The following POR variants were observed in gnomAD, a reference collection of about 807,000 sequenced individuals.
POR encodes the protein cytochrome p450 oxidoreductase.
In POR, 56 loss-of-function variants were observed where a neutral mutation model predicts 84.0. The observed-to-expected ratio is 0.67, with a 90% CI of 0.54 to 0.83. The LOEUF is 0.83. POR is among the 40% of genes least tolerant of loss of function. The probability of loss-of-function intolerance (pLI) is 0.00; values close to 1 mark genes in which losing one functional copy is unlikely to be tolerated. For missense variants in POR, 938 were observed against 944.3 expected (o/e 0.99, Z 0.09); for synonymous variants, 414 against 400.5 (o/e 1.03, Z -0.40).
chr7:75,977,658 A>G (rs1284234659), intron 3 of POR, among the ~76,000 whole-genome samples: 8 of 152,316 alleles, frequency 5.3e-5, no homozygotes, highest in Admixed American at 5.2e-4. Context: ...GGTGCCTGTA[A>G]TCCCAGCTAC....
At chr7:75,951,832 G>C (rs1432483103) in intron 1 of POR, among the ~76,000 whole-genome samples, 1 of 152,250 alleles carries the variant, frequency 6.6e-6, no homozygotes, top group Non-Finnish European at 1.5e-5. Context: ...GACCTTTGTT[G>C]ACTCATGTCA....
At chr7:75,916,642 G>A (rs1321485551) in intron 1 of POR, among the ~76,000 whole-genome samples, 1 of 152,144 alleles carries the variant, frequency 6.6e-6, no homozygotes, top group Non-Finnish European at 1.5e-5. Flanking sequence ...TCAGAGAATG[G>A]GATGCTAGCT....
At chr7:75,968,614 G>A (rs41296509) in intron 2 of POR, among the ~76,000 whole-genome samples, 35,526 of 152,172 alleles carry the variant, frequency 0.23, 4,955 homozygotes, top group East Asian at 0.33. Context: ...CACCCTCCCC[G>A]GCAGGATGGG....
chr7:75,942,313 CGT>C (rs1214038091), intron 1 of POR, among the ~76,000 whole-genome samples: 3 of 152,190 alleles, frequency 2.0e-5, no homozygotes, highest in African/African-American at 7.2e-5. Context: ...CAAATATCCC[CGT>C]GTCAGTGCTC....
chr7:75,972,549 G>A lies in POR; in HGVS notation c.237+88G>A, dbSNP rs17148944. ...AGTCTAGCAGACGGCTGGCGTCACC[G>A]CATAGAGGATGTCCCGGTGGCCAGG... On this transcript the variant is annotated intron_variant, in intron 3 of 15. Transcript: ENST00000461988. 0.092 allele frequency: 117,354 copies of A among 1,270,272 alleles called. 6,199 individuals are homozygous for A. Among genetic ancestry groups the A allele is most frequent in the South Asian group, 0.15 (11,964 of 78,270 alleles). 78.7% of individuals were successfully genotyped at this position (1,270,272 alleles called of 1,614,324 possible). A position where few individuals can be genotyped will look rare whatever the true frequency, so the allele number is the denominator to read the frequency against.
rs782405973 is a variant in POR, at chr7:75,985,564, C to T, written c.1399-15C>T. The T allele has an allele frequency of 2.5e-5, 38 of 1,517,176 alleles. No homozygotes were observed. The Admixed American group carries it at 2.8e-4, about 11-fold the overall frequency. 94.0% of individuals were successfully genotyped at this position (1,517,176 alleles called of 1,614,324 possible). A position where few individuals can be genotyped will look rare whatever the true frequency, so the allele number is the denominator to read the frequency against. ...CCTCGGTGTGGCGGTGGAGCTCACA[C>T]GGCCCTCCCCACAGGTCCACCCCAA... On this transcript the variant is annotated splice_polypyrimidine_tract_variant and intron_variant, in intron 12 of 15. Transcript: ENST00000461988.
intron 2 of POR, among the ~76,000 whole-genome samples, chr7:75,963,034 C>T (rs535198919): frequency 1.9e-4 from 29 of 152,314 alleles, no homozygotes; most frequent in Non-Finnish European, 3.5e-4. Flanking sequence ...TCCTGAGTGA[C>T]CTTCCTTTTG....
chr7:75,960,227 G>C (rs1162579352), intron 2 of POR, among the ~76,000 whole-genome samples: 1 of 151,918 alleles, frequency 6.6e-6, no homozygotes, highest in Non-Finnish European at 1.5e-5. Flanking sequence ...GGATGCCAAG[G>C]CTGCCGAGCG....
rs72557943 is a variant in POR, at chr7:75,983,899, G to A, written c.1066+43G>A. The A allele has an allele frequency of 6.5e-5, 95 of 1,470,286 alleles. No individual in the cohort carries two copies. The African/African-American group carries it at 7.5e-4, about 12-fold the overall frequency. The allele number at this position is 1,470,286 out of a possible 1,614,324, so 91.1% of individuals were successfully genotyped here. A position where few individuals can be genotyped will look rare whatever the true frequency, so the allele number is the denominator to read the frequency against. On this transcript the variant is annotated intron_variant, in intron 10 of 15. Coordinates refer to ENST00000461988, the MANE Select transcript of POR (RefSeq NM_000941.3). The stretch of plus-strand genomic sequence containing the variant: ...GGCGCCCTGCCGGGCTCAGGCAGCC[G>A]CGGGATTGGGCCTGTAGGAAGGCCC...
In POR at chr7:75,979,359, G is replaced by A. The variant is rs958175883; in HGVS notation, c.238-92G>A. The stretch of plus-strand genomic sequence containing the variant: ...AGGAAGGAAAGGGGGCGGCCTGGAG[G>A]GCCCCCGCCTGCCAGGCCTGCCCAG... On this transcript the variant is annotated intron_variant, in intron 3 of 15. Coordinates refer to ENST00000461988, the MANE Select transcript of POR (RefSeq NM_000941.3). 16 of 1,490,402 alleles carry A rather than the reference G, an allele frequency of 1.1e-5. No individual in the cohort carries two copies. In the East Asian group the frequency reaches 2.2e-4, roughly 21 times the overall value. The allele number at this position is 1,490,402 out of a possible 1,614,324, so 92.3% of individuals were successfully genotyped here. A position where few individuals can be genotyped will look rare whatever the true frequency, so the allele number is the denominator to read the frequency against.
intron 1 of POR, among the ~76,000 whole-genome samples, chr7:75,927,968 CTTTTTTTTTT>C (rs1243977285): frequency 3.7e-5 from 4 of 107,006 alleles, no homozygotes; most frequent in East Asian, 5.2e-4. Context: ...TCTCAGGTTT[CTTTTTTTTTT>C]TTTTTTTTTT....
intron 1 of POR, among the ~76,000 whole-genome samples, chr7:75,933,681 G>A (rs1450524997): frequency 3.9e-5 from 6 of 152,140 alleles, no homozygotes; most frequent in African/African-American, 7.2e-5. Flanking sequence ...GTGAGCCACC[G>A]CACCCAGCCT....
chr7:75,944,206 A>G (rs1320329819), intron 1 of POR, among the ~76,000 whole-genome samples: 1 of 152,142 alleles, frequency 6.6e-6, no homozygotes, highest in Non-Finnish European at 1.5e-5. Context: ...TTCCTTCCCT[A>G]TAAGCAGGTG....
At chr7:75,963,411 GC>G (rs1340148556) in intron 2 of POR, among the ~76,000 whole-genome samples, 1 of 152,168 alleles carries the variant, frequency 6.6e-6, no homozygotes, top group Non-Finnish European at 1.5e-5. Flanking sequence ...AAGGGACCTC[GC>G]CTCCTCTCCT....
intron 2 of POR, among the ~76,000 whole-genome samples, chr7:75,971,430 CT>C (rs1788435761): frequency 6.6e-6 from 1 of 151,914 alleles, no homozygotes; most frequent in African/African-American, 2.4e-5. Context: ...GCAAGGGGCA[CT>C]GGGCTTGTTC....
chr7:75,984,545 C>T (rs782525828), intron 10 of POR, among the ~76,000 whole-genome samples: 1 of 152,168 alleles, frequency 6.6e-6, no homozygotes, highest in Non-Finnish European at 1.5e-5. Flanking sequence ...GGGGCTCCCC[C>T]GCACCTCCCC....
intron 1 of POR, among the ~76,000 whole-genome samples, chr7:75,916,252 C>T (rs1806562544): frequency 6.6e-6 from 1 of 152,216 alleles, no homozygotes. Flanking sequence ...TTTAATCCTC[C>T]TTGTAAGCAG....
At chr7:75,942,314 G>A (rs777054943) in intron 1 of POR, among the ~76,000 whole-genome samples, 13 of 152,152 alleles carry the variant, frequency 8.5e-5, no homozygotes, top group African/African-American at 2.4e-4. Flanking sequence ...AAATATCCCC[G>A]TGTCAGTGCT....
In POR at chr7:75,933,526, T is replaced by C. The variant is rs371346873; in HGVS notation, c.-5+18347T>C. On this transcript the variant is annotated intron_variant, in intron 1 of 15. Coordinates refer to ENST00000461988, the MANE Select transcript of POR (RefSeq NM_000941.3). Reference sequence around the variant, plus strand: ...GCCTCAGCCTCTGGAGCAGCCAGGATTACAGGCACCTGCCACCACGCCTGG... The same window carrying C: ...GCCTCAGCCTCTGGAGCAGCCAGGACTACAGGCACCTGCCACCACGCCTGG... 7.1e-3 allele frequency among the ~76,000 whole-genome samples: 1,082 copies of C among 151,820 alleles called. 11 individuals carry two copies. The highest frequency in any genetic ancestry group is 0.025 in the African/African-American group (1,027 of 41,436).
Sources: allele counts gnomAD v4.1 joint callset (sites outside exome capture counted in the v4.1 genomes callset), GRCh38; gene constraint gnomAD v4.1.1; transcripts MANE v1.5; gene names NCBI Gene and HGNC (gene_info 2026-07-23, HGNC 2026-07-21).